The following UBAP1L variants were observed in gnomAD, a reference collection of about 807,000 sequenced individuals.
UBAP1L encodes the protein ubiquitin associated protein 1 like.
UBAP1L carries 32 observed loss-of-function variants against 32.1 expected under a neutral mutation model. That is an observed-to-expected ratio of 1.00 (90% CI 0.75 to 1.34). UBAP1L has a LOEUF of 1.34. UBAP1L is among the 40% of genes most tolerant of loss of function. The pLI, the probability that UBAP1L is intolerant of heterozygous loss-of-function variation, is 0.00. For synonymous variants in UBAP1L, 243 were observed against 250.2 expected, an observed-to-expected ratio of 0.97 and a Z score of 0.27; for missense variants, 516 against 540.5, an observed-to-expected ratio of 0.95 and a Z score of 0.45.
chr15:65,095,474 T>C (rs1421996850), intron 4 of UBAP1L: 1 of 152,252 alleles, frequency 6.6e-6, no homozygotes, highest in Admixed American at 6.5e-5. Flanking sequence ...CACCACAGTG[T>C]CCCCATCATC....
chr15:65,110,348 ACT>A (rs1223040841), intron 1 of UBAP1L, among the ~76,000 whole-genome samples: 5 of 148,420 alleles, frequency 3.4e-5, no homozygotes, highest in African/African-American at 1.3e-4. Context: ...ACAGAGTGAG[ACT>A]CTGTCTCCAA....
intron 5 of UBAP1L, among the ~76,000 whole-genome samples, chr15:65,093,919 C>T (rs1206404605): frequency 3.9e-5 from 6 of 152,136 alleles, no homozygotes; most frequent in African/African-American, 1.2e-4. Flanking sequence ...TGGTGGCAGG[C>T]GCCTGTAATC....
Position 65,106,105 on chromosome 15 carries a change from C to T in UBAP1L, c.111G>A (p.Leu37=). 6.4e-7 allele frequency: 1 copy of T among 1,551,398 alleles called. No homozygotes were observed. The highest frequency in any genetic ancestry group is 8.7e-7 in the Non-Finnish European group (1 of 1,146,910). Residue 37 remains leucine (L), a synonymous_variant, in exon 2 of 6, where the codon CTG becomes CTA. Coordinates refer to ENST00000559089, the MANE Select transcript of UBAP1L (RefSeq NM_001163692.2). ...ACAGAGACACACTTACCATAGAACC[C>T]AGCAGAACTTCCCCGCAGGCCGGGA... ...LSVPACGEVL[L]GSMHDFSLER...
Position 65,102,393 on chromosome 15 carries a change from G to T in UBAP1L, c.412C>A (p.Pro138Thr). The change falls in exon 3 of 6, where the codon CCC becomes ACC. Residue 138 changes from proline (P) to threonine (T), a missense_variant. Pro to Thr is a conservative substitution (Grantham distance 38). Coordinates refer to ENST00000559089, the MANE Select transcript of UBAP1L (RefSeq NM_001163692.2). This position sits in a 1 kb window ranked among gnomAD's most constrained non-coding sequence, Gnocchi z 5.0. Reference sequence around the variant, plus strand: ...TCCAGCGAGCACAGGCGACGGCCGGGGCCGGGGCTCGCCGGGGAGCCCGGT... The same window carrying T: ...TCCAGCGAGCACAGGCGACGGCCGGTGCCGGGGCTCGCCGGGGAGCCCGGT... ...LQPGSPASPG[P>T]GRRLCSLDVL... is the part of the protein sequence containing the mutation. The T allele has an allele frequency of 7.0e-7, 1 of 1,438,588 alleles. No individual in the cohort carries two copies. Among genetic ancestry groups the T allele is most frequent in the Non-Finnish European group, 9.1e-7 (1 of 1,102,640 alleles). The allele number at this position is 1,438,588 out of a possible 1,614,324, so 89.1% of individuals were successfully genotyped here.
Position 65,106,331 on chromosome 15 carries a change from G to A in UBAP1L, c.-116C>T. 1 of 1,271,094 alleles carries A rather than the reference G, an allele frequency of 7.9e-7. No individual in the cohort carries two copies. Among genetic ancestry groups the A allele is most frequent in the South Asian group, 1.8e-5 (1 of 56,814 alleles). The allele number at this position is 1,271,094 out of a possible 1,614,324, so 78.7% of individuals were successfully genotyped here. On this transcript the variant is annotated 5_prime_UTR_variant, in exon 2 of 6. Transcript: ENST00000559089. Reference sequence around the variant, plus strand: ...CCTCAAATGGCCTCACTGCTCTCCTGTGTGGTCACTTAGCTGAGCCCCAAA... The same window carrying A: ...CCTCAAATGGCCTCACTGCTCTCCTATGTGGTCACTTAGCTGAGCCCCAAA...
At position 65,102,554 on chromosome 15, in the gene UBAP1L, T is replaced by TC; in HGVS notation, c.250dup (p.Glu84GlyfsTer27). ...GGTGGGCGCAGGCGCCAGCCCATGT[T>TC]CGGGGCTGACTAGCAAGAGCCAGGC... is the stretch of plus-strand genomic sequence containing the variant. On this transcript the variant is annotated frameshift_variant, in exon 3 of 6. Coordinates refer to ENST00000559089, the MANE Select transcript of UBAP1L (RefSeq NM_001163692.2). LOFTEE classifies it high-confidence loss of function. This position sits in a 1 kb window ranked among gnomAD's most constrained non-coding sequence, Gnocchi z 5.0. The TC allele has an allele frequency of 6.5e-7, 1 of 1,535,484 alleles. No homozygotes were observed. The highest frequency in any genetic ancestry group is 8.8e-7 in the Non-Finnish European group (1 of 1,140,422).
chr15:65,106,080 A>T lies in UBAP1L; in HGVS notation c.120+16T>A. 1 of 1,550,944 alleles carries T rather than the reference A, an allele frequency of 6.4e-7. No homozygotes were observed. The highest frequency in any genetic ancestry group is 8.7e-7 in the Non-Finnish European group (1 of 1,146,826). Reference sequence around the variant, plus strand: ...ACCCACAGACCCAGAAGACAGAAACACAGAGACACACTTACCATAGAACCC... The same window carrying T: ...ACCCACAGACCCAGAAGACAGAAACTCAGAGACACACTTACCATAGAACCC... On this transcript the variant is annotated intron_variant, in intron 2 of 5. Coordinates refer to ENST00000559089, the MANE Select transcript of UBAP1L (RefSeq NM_001163692.2).
intron 1 of UBAP1L, among the ~76,000 whole-genome samples, chr15:65,114,740 T>C (rs1466129334): frequency 6.6e-6 from 1 of 152,186 alleles, no homozygotes; most frequent in Non-Finnish European, 1.5e-5. Flanking sequence ...CCAGCATGAA[T>C]TAACAAAGCT....
intron 5 of UBAP1L, among the ~76,000 whole-genome samples, chr15:65,093,972 C>G (rs906274400): frequency 6.6e-6 from 1 of 152,144 alleles, no homozygotes; most frequent in Non-Finnish European, 1.5e-5. Flanking sequence ...GCTTGAACCT[C>G]GGGGGCAGAG....
chr15:65,105,984 G>T, intron 2 of UBAP1L, 112 bp downstream of exon 2: 1 of 1,450,238 alleles, frequency 6.9e-7, no homozygotes, highest in Non-Finnish European at 9.3e-7. Flanking sequence ...TAGATACGGG[G>T]TTTCACCATG....
chr15:65,112,235 T>TG (rs1361194082), intron 1 of UBAP1L, among the ~76,000 whole-genome samples: 2 of 152,162 alleles, frequency 1.3e-5, no homozygotes, highest in Non-Finnish European at 2.9e-5. Context: ...GACAAGTTGC[T>TG]GGACTTAAGC....
chr15:65,113,617 A>C (rs2087383836), intron 1 of UBAP1L, among the ~76,000 whole-genome samples: 1 of 152,154 alleles, frequency 6.6e-6, no homozygotes, highest in Non-Finnish European at 1.5e-5. Context: ...GTGTAGTGGC[A>C]CACGCCTGTA....
chr15:65,099,572 G>A lies in UBAP1L; in HGVS notation c.842C>T (p.Ala281Val). 6.4e-7 allele frequency: 1 copy of A among 1,551,570 alleles called. No homozygotes were observed. The highest frequency in any genetic ancestry group is 8.7e-7 in the Non-Finnish European group (1 of 1,146,986). ...GGCCCTTCGCAGGGGATATCCCAGG[G>A]CGACCACTGGCCCAATGAGGTCTTG... The part of the protein sequence containing the change: ...EEQDLIGPVV[A>V]LGYPLRRAII... Residue 281 changes from alanine to valine, a missense_variant, in exon 4 of 6, where the codon GCC (alanine) becomes GTC (valine). Ala to Val is a moderately conservative substitution (Grantham distance 64). Transcript: ENST00000559089.
chr15:65,102,821 C>G lies in UBAP1L; in HGVS notation c.121-137G>C. On this transcript the variant is annotated intron_variant, in intron 2 of 5. Coordinates refer to ENST00000559089, the MANE Select transcript of UBAP1L (RefSeq NM_001163692.2). The surrounding 1 kb of genome is among the most constrained non-coding windows in gnomAD (Gnocchi z 5.0). ...GCGTCAGATTCTGAGCCCCGGGCTTCCATCACAGCCCACTCTACCCTGGGT... is the reference window on the plus strand; with the variant it reads ...GCGTCAGATTCTGAGCCCCGGGCTTGCATCACAGCCCACTCTACCCTGGGT... 1.3e-6 allele frequency: 1 copy of G among 746,718 alleles called. No homozygotes were observed. The highest frequency in any genetic ancestry group is 2.0e-5 in the South Asian group (1 of 51,248). The allele number at this position is 746,718 out of a possible 1,614,324, so 46.3% of individuals were successfully genotyped here. A position where few individuals can be genotyped will look rare whatever the true frequency, so the allele number is the denominator to read the frequency against.
At chr15:65,114,982 A>C (rs2087393620) in intron 1 of UBAP1L, among the ~76,000 whole-genome samples, 168 bp downstream of exon 1, 1 of 152,266 alleles carries the variant, frequency 6.6e-6, no homozygotes. Context: ...ATAGGTTCTA[A>C]GCATTACAAA....
intron 1 of UBAP1L, among the ~76,000 whole-genome samples, chr15:65,112,795 G>C (rs1595924684): frequency 6.6e-6 from 1 of 152,128 alleles, no homozygotes; most frequent in East Asian, 1.9e-4. Flanking sequence ...CTCGCCCCCA[G>C]GGTTCCTTGT....
chr15:65,108,472 C>G (rs1160595102), intron 1 of UBAP1L, among the ~76,000 whole-genome samples: 2 of 152,150 alleles, frequency 1.3e-5, no homozygotes, highest in Admixed American at 1.3e-4. Flanking sequence ...GGGCCAGGCA[C>G]GTTGGCTCAT....
chr15:65,107,568 G>A (rs1185337604), intron 1 of UBAP1L, among the ~76,000 whole-genome samples: 5 of 151,466 alleles, frequency 3.3e-5, no homozygotes, highest in Admixed American at 6.6e-5. Flanking sequence ...GTGAAACCCC[G>A]TCTCTACTAA....
intron 1 of UBAP1L, among the ~76,000 whole-genome samples, chr15:65,111,251 G>T (rs1030057540): frequency 6.6e-6 from 1 of 152,188 alleles, no homozygotes; most frequent in African/African-American, 2.4e-5. Flanking sequence ...AGGAGACACA[G>T]GAAAGTTCAG....
Sources: allele counts gnomAD v4.1 joint callset (sites outside exome capture counted in the v4.1 genomes callset), GRCh38; gene constraint gnomAD v4.1.1; non-coding constraint Gnocchi (gnomAD v3.1); transcripts MANE v1.5; gene names NCBI Gene and HGNC (gene_info 2026-07-23, HGNC 2026-07-21).